Variants in SULF2 observed in about 807,000 individuals in gnomAD.
SULF2 encodes extracellular sulfatase Sulf-2.
In SULF2, 52 loss-of-function variants were observed where a neutral mutation model predicts 107.7. The observed-to-expected ratio is 0.48, with a 90% CI of 0.39 to 0.61. The LOEUF (loss-of-function observed/expected upper bound fraction) is 0.61. Ranked by LOEUF, SULF2 falls within the 20% of genes least tolerant of loss-of-function variation. The pLI is 0.00. For synonymous variants in SULF2, 460 were observed against 464.3 expected, an observed-to-expected ratio of 0.99 and a Z score of 0.12; for missense variants, 993 against 1,177.3, an observed-to-expected ratio of 0.84 and a Z score of 2.29.
intron 3 of SULF2, among the ~76,000 whole-genome samples, chr20:47,705,155 C>G (rs766034578): frequency 6.6e-6 from 1 of 152,148 alleles, no homozygotes; most frequent in Non-Finnish European, 1.5e-5. Context: ...GGGAGGTGAC[C>G]GCTCCAGAGG....
Position 47,720,787 on chromosome 20 carries a change from G to A in SULF2, c.415+15916C>T, listed in dbSNP as rs79773628. 2.0e-3 allele frequency among the ~76,000 whole-genome samples: 310 copies of A among 152,184 alleles called. 2 individuals are homozygous for A. The South Asian group carries it at 0.034, about 17-fold the overall frequency. ...CACCAGTAGAAGAGTCCTCCACTGG[G>A]CCACTTTCATGATCTGTCATTTGGC... On this transcript the variant is annotated intron_variant, in intron 3 of 20. Transcript: ENST00000688720.
At chr20:47,736,481 C>CA (rs1419309559) in intron 3 of SULF2, among the ~76,000 whole-genome samples, 2 of 152,216 alleles carry the variant, frequency 1.3e-5, no homozygotes, top group Non-Finnish European at 2.9e-5. Context: ...TTGGGGGACT[C>CA]AAATTCCTTT....
chr20:47,741,088 G>A (rs2089867676), intron 2 of SULF2, among the ~76,000 whole-genome samples: 1 of 152,158 alleles, frequency 6.6e-6, no homozygotes. Context: ...CCTGAAATCA[G>A]GCCAGTTGCT....
At chr20:47,708,346 G>A (rs1043751448) in intron 3 of SULF2, among the ~76,000 whole-genome samples, 1 of 152,130 alleles carries the variant, frequency 6.6e-6, no homozygotes, top group East Asian at 1.9e-4. Context: ...AAACGTGGGG[G>A]CATCGCAGAA....
At chr20:47,707,284 C>T (rs1056856646) in intron 3 of SULF2, among the ~76,000 whole-genome samples, 10 of 152,092 alleles carry the variant, frequency 6.6e-5, no homozygotes, top group Non-Finnish European at 1.5e-4. Flanking sequence ...CCACCCTGTC[C>T]GGCAGTTTTA....
At chr20:47,755,497 C>T (rs1420218190) in intron 2 of SULF2, among the ~76,000 whole-genome samples, 24 of 152,126 alleles carry the variant, frequency 1.6e-4, no homozygotes, top group Admixed American at 1.4e-3. Flanking sequence ...CCTGTTGATT[C>T]GGGCCCCAAA....
intron 1 of SULF2, 82 bp from the exon 2 acceptor site, chr20:47,757,545 C>T: frequency 1.4e-6 from 1 of 693,572 alleles, no homozygotes; most frequent in Non-Finnish European, 2.3e-6. Flanking sequence ...TGTATGGCGG[C>T]TGGCATGAAC....
intron 1 of SULF2, among the ~76,000 whole-genome samples, chr20:47,771,032 T>C (rs1237966451): frequency 2.0e-5 from 3 of 152,132 alleles, no homozygotes; most frequent in Admixed American, 2.0e-4. Flanking sequence ...GCCTGCAGGG[T>C]ACCGTGTGGC....
In SULF2 at chr20:47,661,638, A is replaced by G. The variant is rs919474497; in HGVS notation, c.2494+135T>C. The G allele has an allele frequency of 5.3e-6, 5 of 939,964 alleles. No individual in the cohort carries two copies. In the African/African-American group the frequency reaches 6.8e-5, roughly 13 times the overall value. The allele number at this position is 939,964 out of a possible 1,614,324, so 58.2% of individuals were successfully genotyped here. On this transcript the variant is annotated intron_variant, in intron 18 of 20. Coordinates refer to ENST00000688720, the MANE Select transcript of SULF2 (RefSeq NM_001387048.1). ...CTGCCTGCTATGGACAGGGGCTCCC[A>G]TGACTCGTCTGGAACTGTATCACCT...
chr20:47,748,615 C>T (rs1191638334), intron 2 of SULF2, among the ~76,000 whole-genome samples: 1 of 152,226 alleles, frequency 6.6e-6, no homozygotes, highest in Non-Finnish European at 1.5e-5. Flanking sequence ...AGGGCACTGG[C>T]CTGGAGGTGC....
chr20:47,773,542 G>C (rs2090670237), intron 1 of SULF2, among the ~76,000 whole-genome samples: 2 of 152,242 alleles, frequency 1.3e-5, no homozygotes, highest in Admixed American at 1.3e-4. Flanking sequence ...CCCAGCCCAT[G>C]CCTTCTGGGC....
intron 7 of SULF2, among the ~76,000 whole-genome samples, chr20:47,679,877 C>T (rs914589469): frequency 2.0e-5 from 3 of 152,134 alleles, no homozygotes; most frequent in Non-Finnish European, 2.9e-5. Flanking sequence ...CGCCCCCTCC[C>T]CACCCTCCCT....
intron 4 of SULF2, among the ~76,000 whole-genome samples, chr20:47,701,091 C>T (rs2088553383): frequency 6.6e-6 from 1 of 152,172 alleles, no homozygotes; most frequent in African/African-American, 2.4e-5. Context: ...CTGGAGACAA[C>T]CAAAATGTCC....
chr20:47,692,940 C>G (rs866339150), intron 4 of SULF2, among the ~76,000 whole-genome samples: 14 of 152,158 alleles, frequency 9.2e-5, no homozygotes, highest in African/African-American at 2.9e-4. Flanking sequence ...AAACCAAACT[C>G]TAACCTCATA....
Position 47,672,405 on chromosome 20 carries a change from G to A in SULF2, c.1381-12C>T. 4 of 1,590,588 alleles carry A rather than the reference G, an allele frequency of 2.5e-6. No individual in the cohort carries two copies. Among genetic ancestry groups the A allele is most frequent in the Non-Finnish European group, 1.7e-6 (2 of 1,168,268 alleles). On this transcript the variant is annotated splice_polypyrimidine_tract_variant and intron_variant, in intron 10 of 20. Transcript: ENST00000688720. ...ACACACTGCCACTTCTGAAAGACAT[G>A]CCAGGGCCTCGGCCAGCTGCTCATC...
intron 13 of SULF2, 85 bp from the exon 14 acceptor site, chr20:47,665,378 G>GC: frequency 4.4e-6 from 4 of 914,328 alleles, no homozygotes; most frequent in Non-Finnish European, 7.3e-6. Flanking sequence ...CCACGCTGCC[G>GC]TGTCTGTGCT....
In SULF2 at chr20:47,661,774, C is replaced by T. The variant is rs566779757; in HGVS notation, c.2493G>A (p.Leu831=). 3 of 1,537,080 alleles carry T rather than the reference C, an allele frequency of 2.0e-6. No individual in the cohort carries two copies. The highest frequency in any genetic ancestry group is 2.4e-5 in the East Asian group (1 of 42,484). Residue 831 remains leucine, a splice_region_variant and synonymous_variant, in exon 18 of 21, where the codon CTG becomes CTA. Transcript: ENST00000688720. ...CCCCACGTTGGGGTGCCTACTCACC[C>T]AGGTCCATGTTTCGAGTCCGGGGGT... ...QCNPRTRNMD[L]GLKDGGSYEQ...
chr20:47,690,026 G>A (rs577632969), intron 5 of SULF2, 100 bp downstream of exon 5: 1 of 1,153,498 alleles, frequency 8.7e-7, no homozygotes, highest in East Asian at 3.0e-5. Flanking sequence ...TTAGAGAGGA[G>A]GCACAGTGAA....
chr20:47,690,974 G>C (rs1483319258), intron 4 of SULF2, among the ~76,000 whole-genome samples: 2 of 152,100 alleles, frequency 1.3e-5, no homozygotes, highest in Admixed American at 1.3e-4. Context: ...GCTTAATTCT[G>C]ACATAACTAT....
Sources: allele counts gnomAD v4.1 joint callset (sites outside exome capture counted in the v4.1 genomes callset), GRCh38; gene constraint gnomAD v4.1.1; transcripts MANE v1.5; gene names NCBI Gene and HGNC (gene_info 2026-07-23, HGNC 2026-07-21).